The following LRP5 variants were observed in gnomAD, a reference collection of about 807,000 sequenced individuals.
LRP5 encodes LDL receptor related protein 5.
Under a neutral mutation model 154.1 loss-of-function variants are expected in LRP5, and 62 were observed. The ratio of observed to expected loss-of-function variants is 0.40; its 90% CI spans 0.33 to 0.50. The LOEUF (loss-of-function observed/expected upper bound fraction) is 0.50, where lower values mean the gene tolerates loss of function less well. Among genes scored for constraint, LRP5 ranks in the 20% least tolerant of loss-of-function variants. The pLI is 0.55. For missense variants in LRP5, 1,915 were observed against 2,336.7 expected (o/e 0.82, Z 3.72); for synonymous variants, 966 against 1,011.5 (o/e 0.96, Z 0.85).
intron 5 of LRP5, among the ~76,000 whole-genome samples, chr11:68,368,138 C>A (rs1357447421): frequency 6.6e-6 from 1 of 151,880 alleles, no homozygotes; most frequent in Non-Finnish European, 1.5e-5. Flanking sequence ...TGCCCAATAT[C>A]CACAAATATT....
chr11:68,368,270 C>T (rs2098632185), intron 5 of LRP5, among the ~76,000 whole-genome samples: 1 of 152,186 alleles, frequency 6.6e-6, no homozygotes, highest in Non-Finnish European at 1.5e-5. Context: ...TAGGACAGAC[C>T]TGGATCGGGT....
chr11:68,429,095 T>A, intron 16 of LRP5, among the ~76,000 whole-genome samples: 1 of 145,252 alleles, frequency 6.9e-6, no homozygotes. Context: ...AGACTCTGTC[T>A]CAAAAAAAAA....
intron 13 of LRP5, among the ~76,000 whole-genome samples, chr11:68,419,789 G>A (rs181349225): frequency 5.3e-5 from 8 of 151,906 alleles, no homozygotes; most frequent in Non-Finnish European, 7.4e-5. Flanking sequence ...TGATCCGCCC[G>A]CCTCGGCCTC....
chr11:68,372,638 A>T (rs1591242729), intron 5 of LRP5, among the ~76,000 whole-genome samples: 1 of 152,098 alleles, frequency 6.6e-6, no homozygotes, highest in East Asian at 1.9e-4. Context: ...TCCCCGCTCC[A>T]TGGGGTTTGG....
intron 21 of LRP5, among the ~76,000 whole-genome samples, chr11:68,446,135 G>A (rs918881496): frequency 3.3e-5 from 5 of 152,214 alleles, no homozygotes; most frequent in African/African-American, 9.6e-5. Flanking sequence ...GGAACTGGCC[G>A]AAGTCCTGTC....
intron 8 of LRP5, among the ~76,000 whole-genome samples, chr11:68,404,919 G>A (rs1429477804): frequency 2.7e-5 from 4 of 149,968 alleles, no homozygotes; most frequent in South Asian, 4.2e-4. Flanking sequence ...GCAGTGAGCC[G>A]AGATTGCGCC....
intron 6 of LRP5, among the ~76,000 whole-genome samples, chr11:68,388,469 G>T (rs1346732927): frequency 6.6e-6 from 1 of 152,114 alleles, no homozygotes; most frequent in Non-Finnish European, 1.5e-5. Context: ...CGAGCTGGAA[G>T]CGGGAGGCAG....
At chr11:68,341,059 CTTT>C (rs576462333) in intron 1 of LRP5, among the ~76,000 whole-genome samples, 15 of 83,486 alleles carry the variant, frequency 1.8e-4, no homozygotes, top group Non-Finnish European at 2.4e-4. Flanking sequence ...GGAGATTGTT[CTTT>C]TTTTTTTTTT....
intron 5 of LRP5, among the ~76,000 whole-genome samples, chr11:68,372,390 T>TCAGGCGGACCCGGGAC (rs2098634609): frequency 1.3e-3 from 3 of 2,230 alleles, no homozygotes; most frequent in Admixed American, 4.7e-3. Flanking sequence ...CGTGGTGGTG[T>TCAGGCGGACCCGGGAC]TGAGGAGGTG....
intron 1 of LRP5, among the ~76,000 whole-genome samples, chr11:68,322,817 G>A (rs1388998297): frequency 6.6e-6 from 1 of 151,506 alleles, no homozygotes; most frequent in Non-Finnish European, 1.5e-5. Context: ...GACAGCTTCT[G>A]GGCCAAGTGT....
chr11:68,343,732 C>A (rs2098610484), intron 1 of LRP5, among the ~76,000 whole-genome samples: 1 of 152,160 alleles, frequency 6.6e-6, no homozygotes, highest in Admixed American at 6.5e-5. Flanking sequence ...AAGGCCCCTC[C>A]TGCCCTCAGG....
intron 21 of LRP5, chr11:68,445,505 C>T: frequency 1.1e-6 from 1 of 895,986 alleles, no homozygotes; most frequent in Non-Finnish European, 1.6e-6. Context: ...TCTTGTACCA[C>T]CCTAGGGGGC....
chr11:68,408,242 ATTTTTTTT>A (rs11299690), intron 9 of LRP5, among the ~76,000 whole-genome samples: 2 of 52,110 alleles, frequency 3.8e-5, no homozygotes, highest in Non-Finnish European at 7.0e-5. Context: ...CTCCTGGCTG[ATTTTTTTT>A]TTTTTTTTTT....
rs747207888 is a variant in LRP5 at position 68,423,153 on chromosome 11, G to A, written c.3028-336G>A. Among the ~76,000 whole-genome samples the A allele has an allele frequency of 2.0e-5, 3 of 152,294 alleles. No homozygotes were observed. The highest frequency in any genetic ancestry group is 2.9e-5 in the Non-Finnish European group (2 of 68,026). On this transcript the variant is annotated intron_variant, in intron 13 of 22. Coordinates refer to ENST00000294304, the MANE Select transcript of LRP5 (RefSeq NM_002335.4). The surrounding 1 kb of genome is among the most constrained non-coding windows in gnomAD (Gnocchi z 4.7). The stretch of plus-strand genomic sequence containing the variant: ...TCTAGTGATGCACAGCTGGGTGCCC[G>A]GCGGGTGGCTGAGGAGGCCTAAAGT...
At chr11:68,308,759 T>C (rs1329988224), upstream of LRP5, among the ~76,000 whole-genome samples, 1 of 151,856 alleles carries the variant, frequency 6.6e-6, no homozygotes, top group Non-Finnish European at 1.5e-5. Context: ...TTTTTTTTTT[T>C]CTTTTTTGAG....
At chr11:68,439,737 C>T (rs1055171616) in intron 20 of LRP5, 40 bp from the exon 21 acceptor site, 13 of 1,598,682 alleles carry the variant, frequency 8.1e-6, no homozygotes, top group Non-Finnish European at 9.4e-6. Flanking sequence ...CTTGGCTGAG[C>T]CTGGAAGCCA....
chr11:68,312,653 G>A lies in LRP5; in HGVS notation c.-62G>A. The A allele has an allele frequency of 1.3e-6, 1 of 799,126 alleles. No individual in the cohort carries two copies. The allele number at this position is 799,126 out of a possible 1,614,324, so 49.5% of individuals were successfully genotyped here. A position where few individuals can be genotyped will look rare whatever the true frequency, so the allele number is the denominator to read the frequency against. Reference sequence around the variant, plus strand: ...GGCGCCGGGAGCCGCGCGAGGAGCCGCCGCCGCCGCGCCATGGAGCCCGAG... The same window carrying A: ...GGCGCCGGGAGCCGCGCGAGGAGCCACCGCCGCCGCGCCATGGAGCCCGAG... On this transcript the variant is annotated 5_prime_UTR_variant, in exon 1 of 23. Coordinates refer to ENST00000294304, the MANE Select transcript of LRP5 (RefSeq NM_002335.4).
intron 21 of LRP5, among the ~76,000 whole-genome samples, chr11:68,442,033 G>T (rs2098678466): frequency 6.6e-6 from 1 of 152,262 alleles, no homozygotes; most frequent in Admixed American, 6.5e-5. Context: ...ATGGCCTCCT[G>T]CAGTGTGTTT....
At chr11:68,346,346 C>A (rs1221269234) in intron 1 of LRP5, among the ~76,000 whole-genome samples, 2 of 152,266 alleles carry the variant, frequency 1.3e-5, no homozygotes, top group African/African-American at 4.8e-5. Flanking sequence ...TCCTCCCATC[C>A]TGTGGAGCAT....
Sources: gnomAD v4.1 joint callset for allele counts (sites outside exome capture counted in the v4.1 genomes callset) on GRCh38, gnomAD v4.1.1 for gene constraint, Gnocchi (gnomAD v3.1) non-coding constraint, MANE v1.5 for transcripts, NCBI Gene and HGNC (gene_info 2026-07-23, HGNC 2026-07-21) for gene names.